The following MTA3 variants were observed in gnomAD, a reference collection of about 807,000 sequenced individuals.
MTA3 encodes the protein metastasis associated 1 family member 3.
Under a neutral mutation model 83.5 loss-of-function variants are expected in MTA3, and 34 were observed. The ratio of observed to expected loss-of-function variants is 0.41; its 90% confidence interval spans 0.31 to 0.54. The LOEUF is 0.54. Among genes scored for constraint, MTA3 ranks in the 20% least tolerant of loss-of-function variants. The probability of loss-of-function intolerance (pLI) is 0.33; values close to 1 mark genes in which losing one functional copy is unlikely to be tolerated. For synonymous variants in MTA3, 303 were observed against 252.7 expected (o/e 1.20, Z -1.89); for missense variants, 761 against 726.4 (o/e 1.05, Z -0.55).
intron 4 of MTA3, among the ~76,000 whole-genome samples, chr2:42,627,145 G>A (rs985335530): frequency 2.0e-5 from 3 of 151,226 alleles, no homozygotes; most frequent in African/African-American, 7.3e-5. Flanking sequence ...GGCACGATTC[G>A]TGGCTCATTG....
intron 2 of MTA3, among the ~76,000 whole-genome samples, chr2:42,577,125 TATATATATAA>T (rs1161193107): frequency 1.7e-5 from 2 of 115,874 alleles, no homozygotes; most frequent in African/African-American, 6.9e-5. Context: ...TATATATATA[TATATATATAA>T]AAATGAACTC....
intron 2 of MTA3, among the ~76,000 whole-genome samples, chr2:42,503,459 G>T (rs931246696): frequency 1.3e-5 from 2 of 151,994 alleles, no homozygotes; most frequent in African/African-American, 2.4e-5. Context: ...ATGCCTAACC[G>T]TCTGGGAATG....
At chr2:42,678,182 GA>G (rs1691554624) in intron 8 of MTA3, among the ~76,000 whole-genome samples, 1 of 151,916 alleles carries the variant, frequency 6.6e-6, no homozygotes, top group Admixed American at 6.6e-5. Context: ...AGAGTGAGAG[GA>G]AATTCACTTC....
At position 42,643,032 on chromosome 2, in the gene MTA3, TCTCC is replaced by T. The variant is rs1358528971; in HGVS notation, c.382-1093_382-1090del. Among the ~76,000 whole-genome samples, 120 of 62,552 alleles carry T rather than the reference TCTCC, an allele frequency of 1.9e-3. 1 individual carries two copies. Among genetic ancestry groups the T allele is most frequent in the African/African-American group, 1.0e-2 (119 of 11,930 alleles). 41.0% of individuals were successfully genotyped at this position (62,552 alleles called of 152,430 possible). On this transcript the variant is annotated intron_variant, in intron 5 of 16. Coordinates refer to ENST00000405094, the MANE Select transcript of MTA3 (RefSeq NM_001330442.2). ...ATGCATAAACTGTCACATATTGGTGTCTCCCCCCCCCCCCTTTTTTTTTTAACAG... is the reference window on the plus strand; with the variant it reads ...ATGCATAAACTGTCACATATTGGTGTCCCCCCCCCCTTTTTTTTTTAACAG...
intron 16 of MTA3, among the ~76,000 whole-genome samples, chr2:42,726,243 C>T (rs1312763131): frequency 3.3e-5 from 5 of 152,170 alleles, no homozygotes; most frequent in East Asian, 3.9e-4. Context: ...AAACAACACC[C>T]GGGGCTGCTG....
At chr2:42,557,450 G>A (rs1467685661) in intron 2 of MTA3, among the ~76,000 whole-genome samples, 2 of 152,122 alleles carry the variant, frequency 1.3e-5, no homozygotes, top group Admixed American at 6.6e-5. Flanking sequence ...GTTTTGGCTG[G>A]ACGGATTCTG....
chr2:42,720,331 C>T (rs897054688), intron 15 of MTA3, among the ~76,000 whole-genome samples: 1 of 152,058 alleles, frequency 6.6e-6, no homozygotes, highest in East Asian at 1.9e-4. Context: ...TACAGGCATC[C>T]GCCACCACGT....
intron 2 of MTA3, among the ~76,000 whole-genome samples, chr2:42,518,431 G>A (rs751979089): frequency 1.1e-4 from 16 of 152,180 alleles, no homozygotes; most frequent in Non-Finnish European, 1.8e-4. Context: ...AGAACCAACC[G>A]AAAGAGCTTC....
Position 42,572,206 on chromosome 2 carries a change from G to T in MTA3, c.96+1702G>T, listed in dbSNP as rs575058543. Among the ~76,000 whole-genome samples the T allele has an allele frequency of 3.0e-4, 45 of 152,002 alleles. 3 individuals are homozygous for T. In the South Asian group the frequency reaches 8.3e-3, roughly 28 times the overall value. On this transcript the variant is annotated intron_variant, in intron 2 of 16. Transcript: ENST00000405094. The stretch of plus-strand genomic sequence containing the variant: ...GGGCAGGAGAATGGGGTGAACCTGG[G>T]GGGTGGAGCTTGCAGTGAGCCGAGA...
chr2:42,650,631 G>A (rs577333441), intron 6 of MTA3, among the ~76,000 whole-genome samples: 6 of 152,008 alleles, frequency 3.9e-5, no homozygotes, highest in East Asian at 3.9e-4. Context: ...TAGTAGAGAC[G>A]GGGTTTCAAG....
intron 9 of MTA3, among the ~76,000 whole-genome samples, chr2:42,683,299 T>C (rs1692090477): frequency 6.6e-6 from 1 of 152,222 alleles, no homozygotes; most frequent in Non-Finnish European, 1.5e-5. Flanking sequence ...TTGTTGAGCC[T>C]GAATTTGATC....
chr2:42,733,057 C>T lies in MTA3; in HGVS notation c.1759+10022C>T, dbSNP rs908309393. On this transcript the variant is annotated intron_variant, in intron 16 of 16. Coordinates refer to ENST00000405094, the MANE Select transcript of MTA3 (RefSeq NM_001330442.2). ...GCTCTCCAAACTGTTCCAACCTGTG[C>T]CTGTCATCCAGTTACAAAGTCGCTT... is the stretch of plus-strand genomic sequence containing the variant. Among the ~76,000 whole-genome samples, 4 of 152,240 alleles carry T rather than the reference C, an allele frequency of 2.6e-5. No individual in the cohort carries two copies. In the East Asian group the frequency reaches 7.7e-4, roughly 29 times the overall value.
chr2:42,688,721 T>C (rs1173370937), intron 9 of MTA3, among the ~76,000 whole-genome samples: 1 of 152,032 alleles, frequency 6.6e-6, no homozygotes, highest in Non-Finnish European at 1.5e-5. Flanking sequence ...GTCGGTTTTT[T>C]TGGTAGATTC....
rs72988052 is a variant in MTA3 at position 42,539,877 on chromosome 2, T to C, written c.-140-30560T>C. On this transcript the variant is annotated intron_variant, in intron 2 of 17. Coordinates refer to the MTA3 transcript ENST00000405592. Reference sequence around the variant, plus strand: ...CATGAGCCACCACTCCTGGATAGCATTTTAAAGCTCTTGATAAGCTACACT... The same window carrying C: ...CATGAGCCACCACTCCTGGATAGCACTTTAAAGCTCTTGATAAGCTACACT... 3.6e-3 allele frequency among the ~76,000 whole-genome samples: 554 copies of C among 152,198 alleles called. 5 individuals carry two copies. The highest frequency in any genetic ancestry group is 0.013 in the African/African-American group (523 of 41,548).
intron 2 of MTA3, among the ~76,000 whole-genome samples, chr2:42,535,384 C>G (rs550349158): frequency 2.8e-5 from 4 of 144,964 alleles, no homozygotes; most frequent in African/African-American, 1.0e-4. Context: ...AAGACTTTGT[C>G]AAAAAAAAAA....
chr2:42,571,525 G>C (rs2103833910), intron 2 of MTA3, among the ~76,000 whole-genome samples: 1 of 152,054 alleles, frequency 6.6e-6, no homozygotes, highest in African/African-American at 2.4e-5. Context: ...GCCTCTGAAA[G>C]AGCAGTTCAC....
chr2:42,686,490 C>G (rs563322508), intron 9 of MTA3, among the ~76,000 whole-genome samples: 1 of 150,534 alleles, frequency 6.6e-6, no homozygotes, highest in African/African-American at 2.5e-5. Flanking sequence ...AGTTTAAGAC[C>G]AGCCTGGGCA....
chr2:42,572,436 G>A (rs1260962418), intron 2 of MTA3, among the ~76,000 whole-genome samples: 3 of 151,956 alleles, frequency 2.0e-5, no homozygotes, highest in Admixed American at 1.3e-4. Flanking sequence ...AAAAATAGCC[G>A]GGCATGATGG....
upstream of MTA3, among the ~76,000 whole-genome samples, chr2:42,565,986 G>A (rs1016891852): frequency 6.6e-6 from 1 of 152,120 alleles, no homozygotes; most frequent in African/African-American, 2.4e-5. Context: ...TCCAGCCTGG[G>A]CAGCGAGAGC....
Sources: allele counts gnomAD v4.1 joint callset (sites outside exome capture counted in the v4.1 genomes callset), GRCh38; gene constraint gnomAD v4.1.1; transcripts MANE v1.5; gene names NCBI Gene and HGNC (gene_info 2026-07-23, HGNC 2026-07-21).